The following KIF1A variants were observed in gnomAD, a reference collection of about 807,000 sequenced individuals.
KIF1A encodes kinesin-like protein KIF1A.
KIF1A carries 46 observed loss-of-function variants against 227.3 expected under a neutral mutation model. That is an observed-to-expected ratio of 0.20 (90% confidence interval 0.16 to 0.26). The LOEUF (loss-of-function observed/expected upper bound fraction) is 0.26. Ranked by LOEUF, KIF1A falls within the 10% of genes least tolerant of loss-of-function variation. The pLI, the probability that KIF1A is intolerant of heterozygous loss-of-function variation, is 1.00. For missense variants in KIF1A, 1,683 were observed against 2,485.9 expected (o/e 0.68, Z 6.87); for synonymous variants, 1,022 against 1,012.8 (o/e 1.01, Z -0.17).
intron 38 of KIF1A, among the ~76,000 whole-genome samples, 189 bp from the exon 39 acceptor site, chr2:240,727,129 A>G (rs2046106072): frequency 1.3e-5 from 2 of 152,198 alleles, no homozygotes; most frequent in South Asian, 4.1e-4. Flanking sequence ...CCCAGAGAGT[A>G]GGGTCTCTTG....
chr2:240,714,389 C>T lies in KIF1A; in HGVS notation c.*2975G>A, dbSNP rs900677749. 1 of 152,480 alleles carries T rather than the reference C, an allele frequency of 6.6e-6. No homozygotes were observed. Among genetic ancestry groups the T allele is most frequent in the Non-Finnish European group, 1.5e-5 (1 of 68,212 alleles). 9.4% of individuals were successfully genotyped at this position (152,480 alleles called of 1,614,324 possible). A position where few individuals can be genotyped will look rare whatever the true frequency, so the allele number is the denominator to read the frequency against. On this transcript the variant is annotated 3_prime_UTR_variant, in exon 49 of 49. Coordinates refer to ENST00000498729, the MANE Select transcript of KIF1A (RefSeq NM_001244008.2). The stretch of plus-strand genomic sequence containing the variant: ...GCTGGTCGGCCTGGAGCCCGGCATC[C>T]CCATCTATCTGGAGCCGCAGCGGAA...
At chr2:240,777,069 G>A (rs1157640231) in intron 10 of KIF1A, among the ~76,000 whole-genome samples, 1 of 152,152 alleles carries the variant, frequency 6.6e-6, no homozygotes, top group Non-Finnish European at 1.5e-5. Flanking sequence ...TTTTGAGACA[G>A]AGTCTCCCTC....
At chr2:240,737,225 G>GAAGTGACCTGT in intron 37 of KIF1A, 57 bp from the exon 38 acceptor site, 2 of 1,426,124 alleles carry the variant, frequency 1.4e-6, no homozygotes, top group Non-Finnish European at 2.0e-6. Flanking sequence ...GGGACCCTGG[G>GAAGTGACCTGT]GGGCTGCCTC....
chr2:240,769,253 C>T (rs2051609466), intron 16 of KIF1A, 45 bp from the exon 17 acceptor site: 3 of 1,546,682 alleles, frequency 1.9e-6, no homozygotes, highest in East Asian at 4.7e-5. Context: ...ACAAGGCTTC[C>T]AGCACTGGCC....
chr2:240,750,532 C>G lies in KIF1A; in HGVS notation c.2874G>C (p.Leu958=). 6.2e-7 allele frequency: 1 copy of G among 1,613,740 alleles called. No individual in the cohort carries two copies. The highest frequency in any genetic ancestry group is 2.2e-5 in the East Asian group (1 of 44,884). ...GGGGAACGGGGTACAGCAGGTTGCTCAGGTACACGAAGGCCCTGGGGAGAA... is the reference window on the plus strand; with the variant it reads ...GGGGAACGGGGTACAGCAGGTTGCTGAGGTACACGAAGGCCCTGGGGAGAA... ...FSLVGRAFVY[L]SNLLYPVPLV... The change falls in exon 28 of 49, where the codon CTG becomes CTC. Residue 958 remains leucine, a synonymous_variant. Transcript: ENST00000498729.
rs909649827 is a variant in KIF1A at position 240,723,294 on chromosome 2, C to T, written c.4464+119G>A. On this transcript the variant is annotated intron_variant, in intron 42 of 48. Coordinates refer to ENST00000498729, the MANE Select transcript of KIF1A (RefSeq NM_001244008.2). ...CTCCTCCTGCAGGTGGCTGTGACTCCCAAGCAGCTGTGCTGCCCCCCAGTA... is the reference window on the plus strand; with the variant it reads ...CTCCTCCTGCAGGTGGCTGTGACTCTCAAGCAGCTGTGCTGCCCCCCAGTA... 5.9e-6 allele frequency: 6 copies of T among 1,012,920 alleles called. No individual in the cohort carries two copies. The African/African-American group carries it at 9.8e-5, about 16-fold the overall frequency. The allele number at this position is 1,012,920 out of a possible 1,614,324, so 62.7% of individuals were successfully genotyped here. A position where few individuals can be genotyped will look rare whatever the true frequency, so the allele number is the denominator to read the frequency against.
In KIF1A at chr2:240,766,883, G is replaced by A; in HGVS notation, c.1684+32C>T. 2.0e-6 allele frequency: 3 copies of A among 1,472,538 alleles called. No individual in the cohort carries two copies. The Admixed American group carries it at 5.5e-5, about 27-fold the overall frequency. The allele number at this position is 1,472,538 out of a possible 1,614,324, so 91.2% of individuals were successfully genotyped here. ...CCTGATCATCACGGCACAGGGGCAT[G>A]GGTGCGGGTAGGGACGGTAGGGTGG... On this transcript the variant is annotated intron_variant, in intron 19 of 48. Transcript: ENST00000498729. This position sits in a 1 kb window ranked among gnomAD's most constrained non-coding sequence, Gnocchi z 5.0.
At chr2:240,732,631 AT>A (rs2046847706) in intron 38 of KIF1A, among the ~76,000 whole-genome samples, 1 of 70,688 alleles carries the variant, frequency 1.4e-5, no homozygotes, top group Non-Finnish European at 2.7e-5. Flanking sequence ...GGATGAGGAG[AT>A]GAGGGAATGA....
intron 8 of KIF1A, among the ~76,000 whole-genome samples, chr2:240,783,338 C>T (rs1236200952): frequency 6.6e-6 from 1 of 152,182 alleles, no homozygotes; most frequent in Non-Finnish European, 1.5e-5. Context: ...ACCCTGATAT[C>T]ATCCCATGTC....
intron 38 of KIF1A, among the ~76,000 whole-genome samples, chr2:240,735,493 GC>G (rs1171230984): frequency 1.3e-5 from 2 of 152,166 alleles, no homozygotes; most frequent in African/African-American, 2.4e-5. Context: ...GGGGGCTGGA[GC>G]CCCTGCCCAC....
chr2:240,782,465 C>A, intron 10 of KIF1A, 125 bp downstream of exon 10: 1 of 1,088,562 alleles, frequency 9.2e-7, no homozygotes, highest in Non-Finnish European at 1.3e-6. Flanking sequence ...CGGGATCCAC[C>A]CCCACGTCCC....
Position 240,745,905 on chromosome 2 carries a change from C to T in KIF1A, c.3207G>A (p.Val1069=), listed in dbSNP as rs1363282127. ...TGTCTAGGAGGAGGCCTTCTGGGGG[C>T]ACTGCTGCTGGGAGTCAAGGAGAGA... ...DEVNNNTCSA[V]PPEGLLLDSS... is the part of the protein sequence containing the mutation. Residue 1069 remains valine (V), a synonymous_variant, in exon 31 of 49, where the codon GTG becomes GTA. Coordinates refer to ENST00000498729, the MANE Select transcript of KIF1A (RefSeq NM_001244008.2). 1 of 1,601,638 alleles carries T rather than the reference C, an allele frequency of 6.2e-7. No individual in the cohort carries two copies.
intron 10 of KIF1A, among the ~76,000 whole-genome samples, chr2:240,777,848 G>A (rs952251927): frequency 5.9e-5 from 9 of 152,198 alleles, no homozygotes; most frequent in African/African-American, 1.4e-4. Flanking sequence ...ACCCTCTCGC[G>A]CGGCTCCTTC....
Position 240,788,254 on chromosome 2 carries a change from G to T in KIF1A, c.184-24C>A, listed in dbSNP as rs1362678235. ...GGCTGGAGGACGAGGAAGGAATGAA[G>T]TTGCAGGAGGCTGGGTGCATCCGAG... On this transcript the variant is annotated intron_variant, in intron 3 of 48. Transcript: ENST00000498729. This position sits in a 1 kb window ranked among gnomAD's most constrained non-coding sequence, Gnocchi z 6.6. The T allele has an allele frequency of 6.2e-7, 1 of 1,611,218 alleles. No individual in the cohort carries two copies. Among genetic ancestry groups the T allele is most frequent in the Non-Finnish European group, 8.5e-7 (1 of 1,178,470 alleles).
intron 38 of KIF1A, among the ~76,000 whole-genome samples, chr2:240,732,787 GATAA>G (rs2046883346): frequency 1.0e-5 from 1 of 97,546 alleles, no homozygotes; most frequent in Non-Finnish European, 2.1e-5. Context: ...GGGATGAGGG[GATAA>G]GGGATGAGGG....
chr2:240,803,057 T>C (rs2057102740), intron 1 of KIF1A, among the ~76,000 whole-genome samples: 1 of 152,180 alleles, frequency 6.6e-6, no homozygotes, highest in Admixed American at 6.5e-5. Flanking sequence ...CTGACCACAA[T>C]AGAATTATGC....
At chr2:240,727,295 A>G (rs1305808665) in intron 38 of KIF1A, among the ~76,000 whole-genome samples, 2 of 152,082 alleles carry the variant, frequency 1.3e-5, no homozygotes, top group Non-Finnish European at 2.9e-5. Flanking sequence ...GGGAGCTGGG[A>G]TGTGGGGAAC....
intron 28 of KIF1A, 146 bp downstream of exon 28, chr2:240,750,283 G>A: frequency 1.6e-6 from 1 of 630,658 alleles, no homozygotes; most frequent in Non-Finnish European, 2.8e-6. Context: ...TGACCCCAGG[G>A]AGAGTGGAGG....
At chr2:240,800,071 A>G (rs2056822470) in intron 1 of KIF1A, among the ~76,000 whole-genome samples, 2 of 151,366 alleles carry the variant, frequency 1.3e-5, no homozygotes, top group Admixed American at 6.6e-5. Context: ...AAGTCTAGAA[A>G]TGACACGTGA....
Sources: gnomAD v4.1 joint callset for allele counts (sites outside exome capture counted in the v4.1 genomes callset) on GRCh38, gnomAD v4.1.1 for gene constraint, Gnocchi (gnomAD v3.1) non-coding constraint, MANE v1.5 for transcripts, NCBI Gene and HGNC (gene_info 2026-07-23, HGNC 2026-07-21) for gene names.